The following GOLGB1 variants were observed in gnomAD, a reference collection of about 807,000 sequenced individuals.
GOLGB1 encodes golgin B1, also known as golgin subfamily B member 1.
In GOLGB1, 174 loss-of-function variants were observed where a neutral mutation model predicts 336.9. The ratio of observed to expected loss-of-function variants is 0.52; its 90% CI spans 0.46 to 0.59. GOLGB1 has a LOEUF of 0.59. Ranked by LOEUF, GOLGB1 falls within the 20% of genes least tolerant of loss-of-function variation. GOLGB1 has a pLI of 0.00. For missense variants in GOLGB1, 3,331 were observed against 3,645.3 expected (o/e 0.91, Z 2.22); for synonymous variants, 1,208 against 1,289.2 (o/e 0.94, Z 1.35).
intron 2 of GOLGB1, chr3:121,730,341 C>T (rs1187580651): frequency 1.3e-5 from 3 of 222,776 alleles, no homozygotes; most frequent in African/African-American, 4.6e-5. Context: ...AAGTAAAACT[C>T]TCTTAACCAC....
intron 14 of GOLGB1, among the ~76,000 whole-genome samples, chr3:121,687,288 G>T (rs895659613): frequency 6.6e-6 from 1 of 152,000 alleles, no homozygotes; most frequent in Non-Finnish European, 1.5e-5. Flanking sequence ...AAAAAACAGG[G>T]TCTTAAATGC....
At chr3:121,721,359 T>G (rs868332368) in intron 6 of GOLGB1, among the ~76,000 whole-genome samples, 12 of 151,930 alleles carry the variant, frequency 7.9e-5, no homozygotes, top group Admixed American at 4.6e-4. Context: ...CAAAAAAAAT[T>G]ACAGTGCCTG....
At chr3:121,679,842 C>A (rs1472345732) in intron 15 of GOLGB1, among the ~76,000 whole-genome samples, 4 of 152,266 alleles carry the variant, frequency 2.6e-5, no homozygotes, top group African/African-American at 9.6e-5. Flanking sequence ...CATGTGGGGC[C>A]TGGACATCCC....
chr3:121,701,583 G>A (rs955039547), intron 11 of GOLGB1, among the ~76,000 whole-genome samples: 22 of 152,048 alleles, frequency 1.4e-4, no homozygotes, highest in East Asian at 3.8e-4. Context: ...AAGCATTAAC[G>A]ACACGCTACT....
chr3:121,702,233 T>A (rs1943473123), intron 11 of GOLGB1, among the ~76,000 whole-genome samples: 1 of 152,188 alleles, frequency 6.6e-6, no homozygotes, highest in Admixed American at 6.5e-5. Context: ...CATTCCAAAA[T>A]GATTATGAGT....
At chr3:121,682,807 TA>T (rs1450794894) in intron 14 of GOLGB1, among the ~76,000 whole-genome samples, 2 of 152,066 alleles carry the variant, frequency 1.3e-5, no homozygotes, top group Non-Finnish European at 2.9e-5. Flanking sequence ...GCAATAAAAT[TA>T]ATTTTGGAAG....
At chr3:121,668,652 G>A (rs9874722) in intron 18 of GOLGB1, 32,899 of 140,660 alleles carry the variant, frequency 0.23, 3,997 homozygotes, top group East Asian at 0.47. Flanking sequence ...CAGCCTGGGC[G>A]ACAGAGCGAG....
chr3:121,692,488 T>C lies in GOLGB1; in HGVS notation c.6876A>G (p.Lys2292=). ...TCTCTTCTAGCTGGGACAAAAGTTC[T>C]TTGTTTTCCCCCTGTAGAGTATCAC... ...KVCDTLQGEN[K]ELLSQLEETR... The change falls in exon 14 of 22, where the codon AAA becomes AAG. Residue 2292 remains lysine, a synonymous_variant. Transcript: ENST00000614479. The C allele has an allele frequency of 6.2e-7, 1 of 1,614,074 alleles. No homozygotes were observed. The highest frequency in any genetic ancestry group is 8.5e-7 in the Non-Finnish European group (1 of 1,179,960).
At chr3:121,674,784 T>C (rs1230627519) in intron 17 of GOLGB1, among the ~76,000 whole-genome samples, 4 of 152,142 alleles carry the variant, frequency 2.6e-5, no homozygotes, top group African/African-American at 4.8e-5. Flanking sequence ...ATAATAGTTA[T>C]TGTTTTAATG....
chr3:121,727,312 ATATATATATTTTT>A (rs1560307694), intron 4 of GOLGB1, among the ~76,000 whole-genome samples: 1 of 35,538 alleles, frequency 2.8e-5, no homozygotes, highest in African/African-American at 7.4e-5. Context: ...ATATATATAT[ATATATATATTTTT>A]TTTTTTTTTT....
At chr3:121,707,667 T>C (rs1164365299) in intron 10 of GOLGB1, among the ~76,000 whole-genome samples, 1 of 151,650 alleles carries the variant, frequency 6.6e-6, no homozygotes, top group Non-Finnish European at 1.5e-5. Flanking sequence ...AAAAAGTCCT[T>C]CAGATAGAAG....
intron 1 of GOLGB1, among the ~76,000 whole-genome samples, chr3:121,746,771 C>T (rs929874846): frequency 6.6e-6 from 1 of 152,092 alleles, no homozygotes. Flanking sequence ...TGAGCCACTG[C>T]GCCCGGCCTA....
Position 121,697,796 on chromosome 3 carries a change from T to C in GOLGB1, c.2727A>G (p.Thr909=), listed in dbSNP as rs1406498629. 1.9e-6 allele frequency: 3 copies of C among 1,613,952 alleles called. No individual in the cohort carries two copies. In the African/African-American group the frequency reaches 4.0e-5, roughly 22 times the overall value. ...TCTCAGTCATACTAAAGCTGATTTC[T>C]GTCACTTGTTGATCCTTCTCCTCGA... The part of the protein sequence containing the change: ...QTIEEKDQQV[T]EISFSMTEKM... Residue 909 remains threonine, a synonymous_variant, in exon 13 of 22, where the codon ACA becomes ACG. Transcript: ENST00000614479.
chr3:121,745,703 C>G (rs1021546217), intron 1 of GOLGB1, among the ~76,000 whole-genome samples: 2 of 152,084 alleles, frequency 1.3e-5, no homozygotes, highest in African/African-American at 4.8e-5. Flanking sequence ...TGAATAGCAA[C>G]TAAGGAAAAG....
At position 121,690,968 on chromosome 3, in the gene GOLGB1, G is replaced by C; in HGVS notation, c.8396C>G (p.Ser2799Cys). The C allele has an allele frequency of 6.2e-7, 1 of 1,614,174 alleles. No individual in the cohort carries two copies. The highest frequency in any genetic ancestry group is 1.7e-5 in the Admixed American group (1 of 60,028). The change falls in exon 14 of 22, where the codon TCC becomes TGC. Residue 2799 changes from serine to cysteine, a missense_variant. Coordinates refer to ENST00000614479, the MANE Select transcript of GOLGB1 (RefSeq NM_001366282.2). ...LLSETAFSMN[S>C]TEENSLSHLE... ...GTGAGACAAGCTATTCTCCTCAGTG[G>C]AGTTCATTGAAAAGGCGGTTTCAGA...
intron 14 of GOLGB1, among the ~76,000 whole-genome samples, chr3:121,687,445 C>G (rs9817275): frequency 5.3e-5 from 8 of 152,036 alleles, no homozygotes; most frequent in African/African-American, 9.7e-5. Flanking sequence ...AACCTGGAAG[C>G]AACATTATTA....
rs1223189431 is a variant in GOLGB1, at chr3:121,663,204, A to G, written c.*1276T>C. ...ACACACACATACACACAAACTCTTC[A>G]TTCTGAAAATAATTTTATTATTTTA... On this transcript the variant is annotated 3_prime_UTR_variant, in exon 22 of 22. Transcript: ENST00000614479. The G allele has an allele frequency of 6.6e-6, 1 of 152,150 alleles. No individual in the cohort carries two copies. Among genetic ancestry groups the G allele is most frequent in the East Asian group, 1.9e-4 (1 of 5,206 alleles). The allele number at this position is 152,150 out of a possible 1,614,324, so 9.4% of individuals were successfully genotyped here. A position where few individuals can be genotyped will look rare whatever the true frequency, so the allele number is the denominator to read the frequency against.
At position 121,693,890 on chromosome 3, in the gene GOLGB1, A is replaced by G; in HGVS notation, c.6633T>C (p.Asp2211=). 6.2e-7 allele frequency: 1 copy of G among 1,614,006 alleles called. No homozygotes were observed. The highest frequency in any genetic ancestry group is 8.5e-7 in the Non-Finnish European group (1 of 1,179,904). Residue 2211 remains aspartate (D), a synonymous_variant, in exon 13 of 22, where the codon GAT becomes GAC. Transcript: ENST00000614479. ...ACTTCCTCTCCCATTTCTTAGCTTC[A>G]TCTATCACCCTGTCACGATCATCCT... ...SLQDDRDRVI[D]EAKKWERKFS... is the part of the protein sequence containing the mutation.
chr3:121,679,175 T>C (rs1940773993), intron 15 of GOLGB1, among the ~76,000 whole-genome samples: 1 of 152,190 alleles, frequency 6.6e-6, no homozygotes, highest in African/African-American at 2.4e-5. Flanking sequence ...TCAGAAATAC[T>C]TCAAAATCCA....
Sources: allele counts gnomAD v4.1 joint callset (sites outside exome capture counted in the v4.1 genomes callset), GRCh38; gene constraint gnomAD v4.1.1; transcripts MANE v1.5; gene names NCBI Gene and HGNC (gene_info 2026-07-23, HGNC 2026-07-21).